RASAL2: variants seen among roughly 807,000 people sequenced by gnomAD.
The protein encoded by RASAL2 is ras GTPase-activating protein nGAP.
RASAL2 carries 58 observed loss-of-function variants against 128.9 expected under a neutral mutation model. The observed-to-expected ratio is 0.45, with a 90% CI of 0.36 to 0.56. The LOEUF is 0.56. Among genes scored for constraint, RASAL2 ranks in the 20% least tolerant of loss-of-function variants. The pLI is 0.00. For synonymous variants in RASAL2, 561 were observed against 580.8 expected (o/e 0.97, Z 0.49); for missense variants, 1,360 against 1,601.6 (o/e 0.85, Z 2.57).
intron 5 of RASAL2, 59 bp from the exon 6 acceptor site, chr1:178,439,363 G>T: frequency 1.4e-6 from 2 of 1,453,600 alleles, no homozygotes; most frequent in Non-Finnish European, 9.4e-7. Context: ...CATTGCATTA[G>T]ACCTTCATTT....
intron 3 of RASAL2, among the ~76,000 whole-genome samples, chr1:178,318,502 G>A (rs930144796): frequency 2.0e-5 from 3 of 150,680 alleles, no homozygotes; most frequent in Admixed American, 2.0e-4. Flanking sequence ...ATATATTTAG[G>A]ATAGTTAGCT....
chr1:178,129,333 T>C (rs1234996811), intron 1 of RASAL2, among the ~76,000 whole-genome samples: 1 of 152,166 alleles, frequency 6.6e-6, no homozygotes, highest in Non-Finnish European at 1.5e-5. Flanking sequence ...CTTGTATTTT[T>C]TGTGATTACT....
intron 1 of RASAL2, among the ~76,000 whole-genome samples, chr1:178,196,872 G>A (rs537498376): frequency 6.6e-6 from 1 of 152,218 alleles, no homozygotes; most frequent in Non-Finnish European, 1.5e-5. Flanking sequence ...AAACCACAAA[G>A]AAATACTCTT....
chr1:178,267,400 T>G (rs868418110), intron 1 of RASAL2, among the ~76,000 whole-genome samples: 5 of 152,200 alleles, frequency 3.3e-5, no homozygotes, highest in South Asian at 4.1e-4. Context: ...TTGGTTGGTT[T>G]GTTTTTATCA....
chr1:178,227,452 C>CT (rs148437247), intron 1 of RASAL2, among the ~76,000 whole-genome samples: 5,779 of 152,256 alleles, frequency 0.038, 368 homozygotes, highest in African/African-American at 0.13. Flanking sequence ...TGCCTCCATC[C>CT]TTTACACTTT....
chr1:178,454,015 G>A (rs1677581771), intron 11 of RASAL2, among the ~76,000 whole-genome samples: 1 of 151,950 alleles, frequency 6.6e-6, no homozygotes, highest in South Asian at 2.1e-4. Context: ...AATCTAGATA[G>A]GCAAAGGAGA....
chr1:178,338,122 T>A (rs151156635), intron 3 of RASAL2, among the ~76,000 whole-genome samples: 173 of 151,852 alleles, frequency 1.1e-3, no homozygotes, highest in African/African-American at 3.9e-3. Context: ...AATTTTTTTT[T>A]ATTATTTATT....
In RASAL2 at chr1:178,263,737, T is replaced by C. The variant is rs1665806127; in HGVS notation, c.203-19827T>C. ...CTCTAAAATCGTTTAAAAAAAAAAA[T>C]TGAGACAGGGTCTCACTATTTTGCC... On this transcript the variant is annotated intron_variant, in intron 1 of 17. Coordinates refer to ENST00000367649, the MANE Select transcript of RASAL2 (RefSeq NM_170692.4). 9.2e-5 allele frequency among the ~76,000 whole-genome samples: 14 copies of C among 152,186 alleles called. No individual in the cohort carries two copies. The South Asian group carries it at 2.9e-3, about 32-fold the overall frequency.
intron 1 of RASAL2, among the ~76,000 whole-genome samples, chr1:178,173,221 C>T (rs545754155): frequency 1.4e-4 from 21 of 152,142 alleles, no homozygotes; most frequent in African/African-American, 3.9e-4. Context: ...GTGCCACCTA[C>T]GGGGGTGCAT....
intron 3 of RASAL2, among the ~76,000 whole-genome samples, chr1:178,373,459 A>G (rs571382691): frequency 9.2e-5 from 14 of 151,664 alleles, no homozygotes; most frequent in Non-Finnish European, 1.9e-4. Flanking sequence ...ATCTCATTCT[A>G]CTTGCTTCCC....
chr1:178,177,480 A>T (rs1661934650), intron 1 of RASAL2, among the ~76,000 whole-genome samples: 1 of 152,238 alleles, frequency 6.6e-6, no homozygotes, highest in Admixed American at 6.5e-5. Context: ...AGACAAATGC[A>T]TAAATATAAA....
rs988939876 is a variant in RASAL2 at position 178,103,421 on chromosome 1, C to G, written c.202+8727C>G. ...ACATAGAATTGCTAGGTCAAAGGTACGTGTATTTGTAATTTTGAAAGATAT... is the reference window on the plus strand; with the variant it reads ...ACATAGAATTGCTAGGTCAAAGGTAGGTGTATTTGTAATTTTGAAAGATAT... On this transcript the variant is annotated intron_variant, in intron 1 of 17. Transcript: ENST00000367649. 1.1e-4 allele frequency among the ~76,000 whole-genome samples: 17 copies of G among 152,096 alleles called. No homozygotes were observed. The South Asian group carries it at 3.3e-3, about 30-fold the overall frequency.
intron 3 of RASAL2, among the ~76,000 whole-genome samples, chr1:178,356,170 C>CA (rs34590206): frequency 0.25 from 18,030 of 73,528 alleles, 1,777 homozygotes; most frequent in Middle Eastern, 0.29. Flanking sequence ...GACTCTGTCT[C>CA]AAAAAAAAAA....
chr1:178,352,344 ATTC>A (rs1670558244), intron 3 of RASAL2, among the ~76,000 whole-genome samples: 1 of 152,222 alleles, frequency 6.6e-6, no homozygotes, highest in African/African-American at 2.4e-5. Flanking sequence ...GCCAGCAAGT[ATTC>A]TTGGGGCAAA....
intron 1 of RASAL2, among the ~76,000 whole-genome samples, chr1:178,222,470 G>C (rs953688657): frequency 3.3e-5 from 5 of 151,892 alleles, no homozygotes; most frequent in Non-Finnish European, 4.4e-5. Context: ...ATTAATTCAA[G>C]TCTAGTTTCA....
chr1:178,390,117 T>C lies in RASAL2; in HGVS notation c.475T>C (p.Ser159Pro). Reference protein sequence around the residue: ...ATKLEVPAERSPRRRSISGTS... With the variant: ...ATKLEVPAERPPRRRSISGTS... Reference sequence around the variant, plus strand: ...TTTTCCAGAGGTACCAGCAGAAAGGTCCCCTCGTAGACGGAGTATCTCAGG... The same window carrying C: ...TTTTCCAGAGGTACCAGCAGAAAGGCCCCCTCGTAGACGGAGTATCTCAGG... Residue 159 changes from serine (S) to proline (P), a missense_variant, in exon 4 of 18, where the codon TCC becomes CCC. By Grantham distance (74) the Ser-to-Pro change is moderately conservative. Around this residue, in one of 3 missense-constraint regions of RASAL2, gnomAD observed 617 missense variants for 714.2 expected, o/e 0.86. Coordinates refer to ENST00000367649, the MANE Select transcript of RASAL2 (RefSeq NM_170692.4). 6.2e-7 allele frequency: 1 copy of C among 1,606,048 alleles called. No individual in the cohort carries two copies. The highest frequency in any genetic ancestry group is 8.5e-7 in the Non-Finnish European group (1 of 1,177,268).
intron 1 of RASAL2, among the ~76,000 whole-genome samples, chr1:178,236,849 C>T (rs1002583030): frequency 4.0e-5 from 6 of 150,978 alleles, no homozygotes; most frequent in Non-Finnish European, 7.4e-5. Context: ...CTGCAACCTC[C>T]GCCTCCCGGG....
chr1:178,170,865 T>C (rs1467313811), intron 1 of RASAL2, among the ~76,000 whole-genome samples: 2 of 151,914 alleles, frequency 1.3e-5, no homozygotes, highest in African/African-American at 2.4e-5. Context: ...TTTTGTTTTT[T>C]AGTTTTGTTG....
chr1:178,207,661 T>A (rs1422571489), intron 1 of RASAL2, among the ~76,000 whole-genome samples: 1 of 152,186 alleles, frequency 6.6e-6, no homozygotes, highest in African/African-American at 2.4e-5. Flanking sequence ...ACAAGTTTTA[T>A]CAGACTGAAA....
Sources: allele counts gnomAD v4.1 joint callset (sites outside exome capture counted in the v4.1 genomes callset), GRCh38; gene constraint gnomAD v4.1.1; regional missense constraint gnomAD v4.1.1; transcripts MANE v1.5; gene names NCBI Gene and HGNC (gene_info 2026-07-23, HGNC 2026-07-21).